DAB1: variants seen among roughly 807,000 people sequenced by gnomAD.
DAB1 encodes disabled homolog 1.
A neutral mutation model predicts 64.6 loss-of-function variants in DAB1; 15 were observed. The observed-to-expected ratio is 0.23, with a 90% CI of 0.16 to 0.36. DAB1 has a LOEUF of 0.36. Ranked by LOEUF, DAB1 falls within the 10% of genes least tolerant of loss-of-function variation. The pLI is 1.00. For missense variants in DAB1, 596 were observed against 706.7 expected (o/e 0.84, Z 1.78); for synonymous variants, 235 against 251.9 (o/e 0.93, Z 0.64).
chr1:58,052,613 T>C (rs181934152), intron 5 of DAB1, among the ~76,000 whole-genome samples: 331 of 152,338 alleles, frequency 2.2e-3, no homozygotes, highest in Non-Finnish European at 3.8e-3. Context: ...GGGGATGGCA[T>C]TGAATCTATA....
chr1:58,222,871 G>A (rs1659251041), intron 4 of DAB1, among the ~76,000 whole-genome samples: 1 of 152,150 alleles, frequency 6.6e-6, no homozygotes, highest in Non-Finnish European at 1.5e-5. Context: ...CCTTCAGGGT[G>A]GGTATTATCC....
rs141041627 is a variant in DAB1 at position 58,028,200 on chromosome 1, C to T, written n.387+122311G>A. On this transcript the variant is annotated intron_variant and non_coding_transcript_variant, in intron 5 of 20. Coordinates refer to the DAB1 transcript ENST00000485760. ...ATGTTCTATAAAGTTTCACAAATAC[C>T]GAACCATTGCTCCTAGGGGAAACAC... Among the ~76,000 whole-genome samples, 500 of 152,254 alleles carry T rather than the reference C, an allele frequency of 3.3e-3. 3 individuals are homozygous for T. Among genetic ancestry groups the T allele is most frequent in the Non-Finnish European group, 5.7e-3 (386 of 68,026 alleles).
chr1:57,554,506 A>G (rs1644964450), intron 7 of DAB1, among the ~76,000 whole-genome samples: 1 of 143,534 alleles, frequency 7.0e-6, no homozygotes, highest in Non-Finnish European at 1.5e-5. Context: ...ATATTATTAT[A>G]CAGTTTCAAC....
chr1:57,425,833 G>C (rs1345156977), upstream of DAB1, among the ~76,000 whole-genome samples: 1 of 152,148 alleles, frequency 6.6e-6, no homozygotes, highest in African/African-American at 2.4e-5. Flanking sequence ...GTTTTCCAAA[G>C]TTCTAGAAAG....
At chr1:58,480,937 A>C (rs989712359) in intron 3 of DAB1, 2 of 840,740 alleles carry the variant, frequency 2.4e-6, no homozygotes, top group African/African-American at 3.3e-5. Context: ...AACATTCTTC[A>C]TATATCTTGT....
chr1:58,442,425 T>C lies in DAB1; in HGVS notation n.257+63635A>G, dbSNP rs546448327. The stretch of plus-strand genomic sequence containing the variant: ...GAGCAGTGAGAGATTGAAATCTACA[T>C]CAACTCTGCAAACACACATCCACAC... On this transcript the variant is annotated intron_variant and non_coding_transcript_variant, in intron 3 of 20. Transcript: ENST00000485760. Among the ~76,000 whole-genome samples the C allele has an allele frequency of 6.1e-5, 9 of 148,502 alleles. No individual in the cohort carries two copies. In the East Asian group the frequency reaches 1.8e-3, roughly 29 times the overall value.
intron 2 of DAB1, among the ~76,000 whole-genome samples, chr1:58,519,040 T>C (rs1235840950): frequency 4.6e-5 from 7 of 152,182 alleles, no homozygotes; most frequent in Admixed American, 1.3e-4. Flanking sequence ...TCTACACTTA[T>C]TGCTCGCTTC....
chr1:58,383,018 C>T (rs962104886), intron 3 of DAB1, among the ~76,000 whole-genome samples: 2 of 152,170 alleles, frequency 1.3e-5, no homozygotes, highest in African/African-American at 4.8e-5. Context: ...ACTTATCCAG[C>T]ACCCAGCGCA....
intron 4 of DAB1, among the ~76,000 whole-genome samples, chr1:58,236,148 C>G (rs964730959): frequency 1.3e-5 from 2 of 150,518 alleles, no homozygotes; most frequent in African/African-American, 2.4e-5. Flanking sequence ...TCACCTACCT[C>G]GTACTGCTCT....
chr1:57,150,204 A>C (rs1245301557), intron 2 of DAB1, among the ~76,000 whole-genome samples: 1 of 152,204 alleles, frequency 6.6e-6, no homozygotes, highest in Admixed American at 6.5e-5. Context: ...CCCAGTATTA[A>C]AGAAATGACA....
At chr1:57,300,072 G>A (rs532943612) in intron 1 of DAB1, among the ~76,000 whole-genome samples, 2 of 152,218 alleles carry the variant, frequency 1.3e-5, no homozygotes, top group African/African-American at 4.8e-5. Context: ...GAGTGGGAAT[G>A]TGCCCTATAC....
chr1:58,225,023 C>A lies in DAB1; in HGVS notation n.310-74435G>T, dbSNP rs1202419383. On this transcript the variant is annotated intron_variant and non_coding_transcript_variant, in intron 4 of 20. Transcript: ENST00000485760. ...AGAAACTACCATCAGAGTGAACAGA[C>A]AACCTACAGAATGGGAGAAAATTTT... is the stretch of plus-strand genomic sequence containing the variant. Among the ~76,000 whole-genome samples the A allele has an allele frequency of 2.0e-5, 3 of 152,176 alleles. No individual in the cohort carries two copies. The East Asian group carries it at 5.8e-4, about 29-fold the overall frequency.
chr1:57,513,003 C>T (rs1644422891), intron 7 of DAB1, among the ~76,000 whole-genome samples: 1 of 152,198 alleles, frequency 6.6e-6, no homozygotes, highest in Admixed American at 6.5e-5. Context: ...ATTATATTTT[C>T]TGATTTGCTC....
chr1:57,881,544 G>GAT lies in DAB1; in HGVS notation n.87+2453_87+2454dup, dbSNP rs1175885329. On this transcript the variant is annotated intron_variant and non_coding_transcript_variant, in intron 1 of 1. Transcript: ENST00000477280. The stretch of plus-strand genomic sequence containing the variant: ...TCTTTGCTTCCTTATCTATAAATCA[G>GAT]ATATGACAGTACCTATTATAAAGGA... Among the ~76,000 whole-genome samples the GAT allele has an allele frequency of 2.6e-5, 4 of 152,134 alleles. No homozygotes were observed. The East Asian group carries it at 7.7e-4, about 29-fold the overall frequency.
At chr1:58,237,958 T>C (rs1017056482) in intron 4 of DAB1, among the ~76,000 whole-genome samples, 2 of 152,268 alleles carry the variant, frequency 1.3e-5, no homozygotes, top group Non-Finnish European at 2.9e-5. Flanking sequence ...TATTTCATTA[T>C]ATTTAGCCTT....
At chr1:57,475,540 G>T (rs948459793) in intron 7 of DAB1, among the ~76,000 whole-genome samples, 3 of 152,230 alleles carry the variant, frequency 2.0e-5, no homozygotes, top group Non-Finnish European at 4.4e-5. Flanking sequence ...AGAGAGAGGG[G>T]TATAGTCACT....
chr1:57,085,227 C>A (rs972427672), intron 4 of DAB1, among the ~76,000 whole-genome samples: 1 of 152,190 alleles, frequency 6.6e-6, no homozygotes, highest in African/African-American at 2.4e-5. Context: ...TGATGCCAAG[C>A]TTCATGCCCG....
At chr1:57,925,641 T>C (rs1644868449) in intron 5 of DAB1, among the ~76,000 whole-genome samples, 1 of 152,224 alleles carries the variant, frequency 6.6e-6, no homozygotes, top group Non-Finnish European at 1.5e-5. Flanking sequence ...ATATCCATCA[T>C]CTGGTCCAAT....
chr1:57,780,370 T>G (rs1298397678), intron 6 of DAB1, among the ~76,000 whole-genome samples: 1 of 152,144 alleles, frequency 6.6e-6, no homozygotes, highest in Non-Finnish European at 1.5e-5. Flanking sequence ...TTGATAAATA[T>G]TCCTCAAACT....
Sources: gnomAD v4.1 joint callset for allele counts (sites outside exome capture counted in the v4.1 genomes callset) on GRCh38, gnomAD v4.1.1 for gene constraint, MANE v1.5 for transcripts, NCBI Gene and HGNC (gene_info 2026-07-23, HGNC 2026-07-21) for gene names.